Variants in ADARB2 observed in about 807,000 individuals in gnomAD.
ADARB2 encodes inactive double-stranded RNA-specific editase B2.
In ADARB2, 25 loss-of-function variants were observed where a neutral mutation model predicts 62.2. The ratio of observed to expected loss-of-function variants is 0.40; its 90% confidence interval spans 0.29 to 0.56. The LOEUF (loss-of-function observed/expected upper bound fraction) is 0.56, where lower values mean the gene tolerates loss of function less well. Among genes scored for constraint, ADARB2 ranks in the 20% least tolerant of loss-of-function variants. The pLI is 0.43. For missense variants in ADARB2, 1,071 were observed against 1,077.4 expected, an observed-to-expected ratio of 0.99 and a Z score of 0.08; for synonymous variants, 572 against 500.8, an observed-to-expected ratio of 1.14 and a Z score of -1.90.
At chr10:1,679,746 C>T (rs543664929) in intron 1 of ADARB2, among the ~76,000 whole-genome samples, 2 of 152,318 alleles carry the variant, frequency 1.3e-5, no homozygotes, top group Non-Finnish European at 2.9e-5. Flanking sequence ...GTGCCACGAT[C>T]TGTCGTTGAA....
intron 1 of ADARB2, among the ~76,000 whole-genome samples, chr10:1,553,411 C>T (rs1449921575): frequency 6.6e-6 from 1 of 152,128 alleles, no homozygotes; most frequent in Non-Finnish European, 1.5e-5. Flanking sequence ...GTCAGCAGCG[C>T]GAGAGGCACC....
chr10:1,224,021 T>A lies in ADARB2; in HGVS notation c.1514-6902A>T, dbSNP rs376387983. Reference sequence around the variant, plus strand: ...TGGTACCAGCTCCTCTTTGTACCTCTGGTAGAATTCGGCTGTGAACCCCAT... The same window carrying A: ...TGGTACCAGCTCCTCTTTGTACCTCAGGTAGAATTCGGCTGTGAACCCCAT... On this transcript the variant is annotated intron_variant, in intron 6 of 9. Coordinates refer to ENST00000381312, the MANE Select transcript of ADARB2 (RefSeq NM_018702.4). Among the ~76,000 whole-genome samples the A allele has an allele frequency of 9.8e-5, 15 of 152,360 alleles. No homozygotes were observed. The East Asian group carries it at 2.5e-3, about 25-fold the overall frequency.
chr10:1,242,306 A>T lies in ADARB2; in HGVS notation c.1193-7T>A, dbSNP rs752503239. 9 of 1,550,356 alleles carry T rather than the reference A, an allele frequency of 5.8e-6. No homozygotes were observed. In the South Asian group the frequency reaches 1.1e-4, roughly 18 times the overall value. ...GCCTGCCGAGCATCCAGGCCTGGGG[A>T]CACAGATAGCATCAGAGCAGCGTGG... is the stretch of plus-strand genomic sequence containing the variant. On this transcript the variant is annotated splice_region_variant and splice_polypyrimidine_tract_variant and intron_variant, in intron 4 of 9. Coordinates refer to ENST00000381312, the MANE Select transcript of ADARB2 (RefSeq NM_018702.4).
At chr10:1,380,960 A>G (rs1211889587) in intron 1 of ADARB2, among the ~76,000 whole-genome samples, 1 of 152,238 alleles carries the variant, frequency 6.6e-6, no homozygotes, top group East Asian at 1.9e-4. Flanking sequence ...AAAATGCACT[A>G]AACTATTTCA....
At chr10:1,242,473 C>T (rs962565077) in intron 4 of ADARB2, among the ~76,000 whole-genome samples, 174 bp from the exon 5 acceptor site, 2 of 152,312 alleles carry the variant, frequency 1.3e-5, no homozygotes, top group Admixed American at 6.5e-5. Context: ...CACGGGTGAC[C>T]GCCCGCCTGA....
At chr10:1,282,779 G>T (rs190750172) in intron 3 of ADARB2, among the ~76,000 whole-genome samples, 1 of 152,290 alleles carries the variant, frequency 6.6e-6, no homozygotes, top group African/African-American at 2.4e-5. Flanking sequence ...CCTGCAAGGG[G>T]TTCATTTCAT....
At chr10:1,287,632 AT>A (rs1831425939) in intron 3 of ADARB2, among the ~76,000 whole-genome samples, 1 of 152,236 alleles carries the variant, frequency 6.6e-6, no homozygotes, top group Non-Finnish European at 1.5e-5. Flanking sequence ...TTAGGAGGAA[AT>A]TACACATATA....
intron 1 of ADARB2, among the ~76,000 whole-genome samples, chr10:1,565,093 C>T (rs1478431948): frequency 6.6e-6 from 1 of 152,216 alleles, no homozygotes; most frequent in African/African-American, 2.4e-5. Flanking sequence ...TCCTGTCCTT[C>T]TGATTACGCT....
At chr10:1,599,738 CTT>C (rs1168649389) in intron 1 of ADARB2, among the ~76,000 whole-genome samples, 1 of 152,020 alleles carries the variant, frequency 6.6e-6, no homozygotes, top group Non-Finnish European at 1.5e-5. Flanking sequence ...CTTTGTGAAA[CTT>C]TGTTTTTTTT....
intron 1 of ADARB2, among the ~76,000 whole-genome samples, chr10:1,612,637 CA>C (rs202026967): frequency 0.011 from 1,630 of 152,316 alleles, 12 homozygotes; most frequent in Middle Eastern, 0.017. Flanking sequence ...GCCAATATCG[CA>C]GCCCTGTGTG....
At position 1,472,952 on chromosome 10, in the gene ADARB2, A is replaced by T. The variant is rs1831345998; in HGVS notation, c.101-93792T>A. 1.3e-5 allele frequency among the ~76,000 whole-genome samples: 2 copies of T among 151,320 alleles called. 1 individual carries two copies. Among genetic ancestry groups the T allele is most frequent in the Admixed American group, 1.3e-4 (2 of 15,256 alleles). Reference sequence around the variant, plus strand: ...GCACCAGGAAAAAGCATCTCCCAATAGATAGAAATGCTTGGGACTGGTGAT... The same window carrying T: ...GCACCAGGAAAAAGCATCTCCCAATTGATAGAAATGCTTGGGACTGGTGAT... On this transcript the variant is annotated intron_variant, in intron 1 of 9. Coordinates refer to ENST00000381312, the MANE Select transcript of ADARB2 (RefSeq NM_018702.4).
chr10:1,501,238 A>T (rs1046703166), intron 1 of ADARB2, among the ~76,000 whole-genome samples: 3 of 152,210 alleles, frequency 2.0e-5, no homozygotes, highest in African/African-American at 7.2e-5. Flanking sequence ...TCCTGCAGTA[A>T]AAGGGGGAGT....
intron 6 of ADARB2, among the ~76,000 whole-genome samples, chr10:1,223,037 C>T (rs1830709223): frequency 1.3e-5 from 2 of 152,178 alleles, no homozygotes; most frequent in Admixed American, 1.3e-4. Context: ...ATTGATTCTT[C>T]CTGCCCATGA....
At chr10:1,285,672 A>G (rs1164943701) in intron 3 of ADARB2, among the ~76,000 whole-genome samples, 1 of 152,228 alleles carries the variant, frequency 6.6e-6, no homozygotes, top group Non-Finnish European at 1.5e-5. Context: ...TTTGTTGCCC[A>G]CATTTTGCCT....
chr10:1,692,091 T>C (rs1452415082), intron 1 of ADARB2, among the ~76,000 whole-genome samples: 1 of 152,224 alleles, frequency 6.6e-6, no homozygotes, highest in Admixed American at 6.5e-5. Flanking sequence ...CGGGTCTGAA[T>C]CCCATTGTGT....
At chr10:1,340,135 C>T (rs565074016) in intron 3 of ADARB2, among the ~76,000 whole-genome samples, 2 of 149,356 alleles carry the variant, frequency 1.3e-5, no homozygotes, top group African/African-American at 4.9e-5. Flanking sequence ...ACGCGCCCCA[C>T]AGTGGCAATA....
At chr10:1,327,136 T>TCCCCACGGCACAGCG (rs1831866928) in intron 3 of ADARB2, among the ~76,000 whole-genome samples, 1 of 86,928 alleles carries the variant, frequency 1.2e-5, no homozygotes, top group East Asian at 3.3e-4. Flanking sequence ...GCACAGCGCC[T>TCCCCACGGCACAGCG]CCTCACTGCA....
chr10:1,684,428 G>GCA (rs529203522), intron 1 of ADARB2, among the ~76,000 whole-genome samples: 10 of 152,086 alleles, frequency 6.6e-5, no homozygotes, highest in Admixed American at 2.6e-4. Context: ...ATTTCTGTAT[G>GCA]CACACACACA....
intron 2 of ADARB2, among the ~76,000 whole-genome samples, chr10:1,370,642 A>G (rs1271236596): frequency 2.0e-5 from 3 of 152,252 alleles, no homozygotes; most frequent in African/African-American, 7.2e-5. Context: ...AATTAGTAGC[A>G]TTTCTATACA....
Sources: allele counts gnomAD v4.1 joint callset (sites outside exome capture counted in the v4.1 genomes callset), GRCh38; gene constraint gnomAD v4.1.1; transcripts MANE v1.5; gene names NCBI Gene and HGNC (gene_info 2026-07-23, HGNC 2026-07-21).